CSMD3: variants seen among roughly 807,000 people sequenced by gnomAD.
CSMD3 encodes the protein CUB and sushi domain-containing protein 3.
Under a neutral mutation model 435.2 loss-of-function variants are expected in CSMD3, and 177 were observed. The observed-to-expected ratio is 0.41, with a 90% CI of 0.36 to 0.46. CSMD3 has a LOEUF of 0.46. Among genes scored for constraint, CSMD3 ranks in the 20% least tolerant of loss-of-function variants. The pLI, the probability that CSMD3 is intolerant of heterozygous loss-of-function variation, is 0.34. For synonymous variants in CSMD3, 1,656 were observed against 1,520.5 expected (o/e 1.09, Z -2.07); for missense variants, 4,265 against 4,504.6 (o/e 0.95, Z 1.52).
At chr8:112,243,316 G>T (rs534093300) in intron 65 of CSMD3, among the ~76,000 whole-genome samples, 4 of 152,194 alleles carry the variant, frequency 2.6e-5, no homozygotes, top group Admixed American at 6.6e-5. Context: ...GAAAGTAATT[G>T]TCATTTATGA....
intron 6 of CSMD3, among the ~76,000 whole-genome samples, chr8:112,991,817 T>C (rs989452066): frequency 1.3e-5 from 2 of 151,914 alleles, no homozygotes; most frequent in African/African-American, 4.8e-5. Context: ...TTAAAAGTTA[T>C]ATGTAATGAT....
intron 13 of CSMD3, among the ~76,000 whole-genome samples, chr8:112,748,066 CTG>C (rs1381013828): frequency 1.3e-5 from 2 of 151,308 alleles, no homozygotes; most frequent in Non-Finnish European, 2.9e-5. Flanking sequence ...CAGGAAAAGA[CTG>C]TTTCCCACAG....
chr8:113,118,791 G>A (rs2090907689), intron 4 of CSMD3, among the ~76,000 whole-genome samples: 3 of 152,132 alleles, frequency 2.0e-5, no homozygotes, highest in Admixed American at 6.5e-5. Context: ...TCAGTAAGAA[G>A]ATTCCAGCAA....
intron 28 of CSMD3, among the ~76,000 whole-genome samples, chr8:112,516,238 G>A (rs1212675117): frequency 1.3e-5 from 2 of 152,008 alleles, no homozygotes; most frequent in Non-Finnish European, 2.9e-5. Flanking sequence ...CTCCCAAGTT[G>A]CTTACAGTGT....
intron 3 of CSMD3, among the ~76,000 whole-genome samples, chr8:113,186,267 A>G (rs1387941308): frequency 6.6e-6 from 1 of 151,934 alleles, no homozygotes; most frequent in Non-Finnish European, 1.5e-5. Flanking sequence ...CTCCCTGACC[A>G]TATGGCCAGG....
chr8:113,405,490 G>A (rs2094528625), intron 1 of CSMD3, among the ~76,000 whole-genome samples: 1 of 151,618 alleles, frequency 6.6e-6, no homozygotes, highest in Non-Finnish European at 1.5e-5. Flanking sequence ...TAAGGGAGGG[G>A]TGATTCTATA....
intron 6 of CSMD3, among the ~76,000 whole-genome samples, chr8:112,982,384 G>T (rs774863015): frequency 1.7e-4 from 26 of 152,010 alleles, no homozygotes; most frequent in Middle Eastern, 6.8e-3. Context: ...ATAAGAGAAA[G>T]AATAGGATGC....
intron 52 of CSMD3, 105 bp from the exon 53 acceptor site, chr8:112,302,071 T>C (rs907886093): frequency 1.3e-6 from 1 of 797,468 alleles, no homozygotes; most frequent in Non-Finnish European, 2.1e-6. Flanking sequence ...TTGATGTATT[T>C]ACAAAGGAAA....
At position 113,137,621 on chromosome 8, in the gene CSMD3, C is replaced by T. The variant is rs187739771; in HGVS notation, c.709+36101G>A. On this transcript the variant is annotated intron_variant, in intron 4 of 70. Transcript: ENST00000297405. ...TTCCAAAGATGGCACCTTGTTACTG[C>T]ATTCTCTATACAGGAGAAACATGTG... is the stretch of plus-strand genomic sequence containing the variant. Among the ~76,000 whole-genome samples, 30 of 151,736 alleles carry T rather than the reference C, an allele frequency of 2.0e-4. No individual in the cohort carries two copies. In the Admixed American group the frequency reaches 2.0e-3, roughly 10 times the overall value.
intron 50 of CSMD3, among the ~76,000 whole-genome samples, chr8:112,307,279 T>C (rs1311938212): frequency 6.6e-6 from 1 of 151,922 alleles, no homozygotes; most frequent in African/African-American, 2.4e-5. Context: ...CGTACCACCA[T>C]ACTTGGCCAA....
At chr8:112,833,690 A>ATG (rs34246089) in intron 11 of CSMD3, among the ~76,000 whole-genome samples, 10,208 of 149,066 alleles carry the variant, frequency 0.068, 1,090 homozygotes, top group African/African-American at 0.23. Context: ...ATATGTGTGT[A>ATG]TGTGTGTGTG....
intron 1 of CSMD3, among the ~76,000 whole-genome samples, chr8:113,322,973 T>C (rs2093959215): frequency 1.3e-5 from 2 of 152,130 alleles, no homozygotes; most frequent in African/African-American, 2.4e-5. Flanking sequence ...CTCAAACTCC[T>C]GACCTCAAGT....
intron 45 of CSMD3, among the ~76,000 whole-genome samples, chr8:112,326,138 TG>T (rs1823493166): frequency 6.6e-6 from 1 of 152,184 alleles, no homozygotes; most frequent in Non-Finnish European, 1.5e-5. Flanking sequence ...TGAATAAAAT[TG>T]AGGCATGTTG....
At chr8:112,698,074 A>G (rs2076298954) in intron 13 of CSMD3, among the ~76,000 whole-genome samples, 1 of 152,058 alleles carries the variant, frequency 6.6e-6, no homozygotes. Context: ...AGTACGTGGT[A>G]TTATGGATGA....
At chr8:113,152,922 G>A (rs1403349673) in intron 4 of CSMD3, among the ~76,000 whole-genome samples, 1 of 151,080 alleles carries the variant, frequency 6.6e-6, no homozygotes, top group African/African-American at 2.4e-5. Context: ...AGTGAGCCGT[G>A]ATTGCACCAC....
intron 3 of CSMD3, among the ~76,000 whole-genome samples, chr8:113,195,839 A>ACACC (rs1379983705): frequency 2.1e-5 from 3 of 144,540 alleles, no homozygotes; most frequent in East Asian, 2.0e-4. Context: ...ACACACACAC[A>ACACC]CCCCCACACA....
At chr8:112,642,228 T>C (rs1433627793) in intron 20 of CSMD3, among the ~76,000 whole-genome samples, 1 of 152,172 alleles carries the variant, frequency 6.6e-6, no homozygotes, top group African/African-American at 2.4e-5. Context: ...GTGTGGACTA[T>C]GCTTTATTTA....
chr8:112,619,809 T>TA (rs10714703), intron 22 of CSMD3, among the ~76,000 whole-genome samples: 31 of 150,384 alleles, frequency 2.1e-4, no homozygotes, highest in Middle Eastern at 3.2e-3. Context: ...TCTCCTATCT[T>TA]AAAAAAAAAA....
intron 22 of CSMD3, among the ~76,000 whole-genome samples, chr8:112,620,902 T>C (rs922777641): frequency 2.0e-5 from 3 of 152,182 alleles, no homozygotes; most frequent in Admixed American, 6.5e-5. Context: ...GGTTAACATC[T>C]GAAATGTACT....
Sources: allele counts gnomAD v4.1 joint callset (sites outside exome capture counted in the v4.1 genomes callset), GRCh38; gene constraint gnomAD v4.1.1; transcripts MANE v1.5; gene names NCBI Gene and HGNC (gene_info 2026-07-23, HGNC 2026-07-21).